Variants in B4GALT1 observed in about 807,000 individuals in gnomAD.
The protein encoded by B4GALT1 is beta-1,4-galactosyltransferase 1.
B4GALT1 carries 16 observed loss-of-function variants against 34.9 expected under a neutral mutation model. That is an observed-to-expected ratio of 0.46 (90% CI 0.31 to 0.70). The LOEUF (loss-of-function observed/expected upper bound fraction) is 0.70. Among genes scored for constraint, B4GALT1 ranks in the 30% least tolerant of loss-of-function variants. The pLI is 0.05. For missense variants in B4GALT1, 445 were observed against 530.5 expected, an observed-to-expected ratio of 0.84 and a Z score of 1.58; for synonymous variants, 221 against 218.1, an observed-to-expected ratio of 1.01 and a Z score of -0.12.
chr9:33,152,075 TG>T (rs1840524641), intron 1 of B4GALT1, among the ~76,000 whole-genome samples: 1 of 152,088 alleles, frequency 6.6e-6, no homozygotes, highest in Admixed American at 6.6e-5. Context: ...CCCAGCACTT[TG>T]GGAGGATCAT....
intron 1 of B4GALT1, among the ~76,000 whole-genome samples, chr9:33,138,227 G>A (rs922530275): frequency 1.3e-5 from 2 of 152,136 alleles, no homozygotes; most frequent in African/African-American, 4.8e-5. Context: ...GCCCCGGACA[G>A]GAGAAGAGAT....
At position 33,111,482 on chromosome 9, in the gene B4GALT1, G is replaced by GA. The variant is rs1339626676; in HGVS notation, c.*1971dup. On this transcript the variant is annotated 3_prime_UTR_variant, in exon 6 of 6. Coordinates refer to ENST00000379731, the MANE Select transcript of B4GALT1 (RefSeq NM_001497.4). ...AATAATATCCTTGGTATAGAGTGGGGAACTGACAGAGAAATACTTTTTGCA... is the reference window on the plus strand; with the variant it reads ...AATAATATCCTTGGTATAGAGTGGGGAAACTGACAGAGAAATACTTTTTGCA... 1 of 152,594 alleles carries GA rather than the reference G, an allele frequency of 6.6e-6. No individual in the cohort carries two copies. The highest frequency in any genetic ancestry group is 1.5e-5 in the Non-Finnish European group (1 of 68,036). The allele number at this position is 152,594 out of a possible 1,614,324, so 9.5% of individuals were successfully genotyped here. A position where few individuals can be genotyped will look rare whatever the true frequency, so the allele number is the denominator to read the frequency against.
At chr9:33,182,970 C>T in the B4GALT1 span, among the ~76,000 whole-genome samples, 1 of 152,186 alleles carries the variant, frequency 6.6e-6, no homozygotes, top group African/African-American at 2.4e-5. Flanking sequence ...CCCTCCACCT[C>T]CTGCAGGATT....
chr9:33,147,071 G>A (rs753773097), intron 1 of B4GALT1, among the ~76,000 whole-genome samples: 12 of 152,060 alleles, frequency 7.9e-5, no homozygotes, highest in Non-Finnish European at 1.8e-4. Context: ...TACAGCCTAG[G>A]TTTCAAATCA....
chr9:33,126,833 C>T (rs1415842573), intron 2 of B4GALT1, among the ~76,000 whole-genome samples: 1 of 152,210 alleles, frequency 6.6e-6, no homozygotes, highest in African/African-American at 2.4e-5. Flanking sequence ...CCCTGCCACA[C>T]AGGAACACAG....
upstream of B4GALT1, among the ~76,000 whole-genome samples, chr9:33,171,965 A>G (rs1840845600): frequency 6.6e-6 from 1 of 152,212 alleles, no homozygotes; most frequent in Non-Finnish European, 1.5e-5. Context: ...GGTAAAATAC[A>G]TTAGTGTCTT....
At chr9:33,108,401 C>T (rs888185555), downstream of B4GALT1, among the ~76,000 whole-genome samples, 4 of 150,342 alleles carry the variant, frequency 2.7e-5, no homozygotes, top group Non-Finnish European at 5.9e-5. Context: ...TTGCTTGAAG[C>T]CGGGAGTTTG....
the B4GALT1 span, among the ~76,000 whole-genome samples, chr9:33,175,160 A>T: frequency 8.7e-4 from 131 of 149,784 alleles, no homozygotes; most frequent in Non-Finnish European, 1.6e-3. Context: ...GAAAAATTTT[A>T]AAAATTATCT....
intron 2 of B4GALT1, among the ~76,000 whole-genome samples, chr9:33,133,842 C>T (rs957933134): frequency 1.3e-5 from 2 of 152,190 alleles, no homozygotes; most frequent in African/African-American, 4.8e-5. Context: ...TTTCCTACCC[C>T]AGTGGGCATC....
At chr9:33,177,604 A>AT in the B4GALT1 span, 1 of 152,232 alleles carries the variant, frequency 6.6e-6, no homozygotes, top group Admixed American at 6.5e-5. Context: ...AATATTGACT[A>AT]TCTGATCTTT....
intron 3 of B4GALT1, among the ~76,000 whole-genome samples, chr9:33,118,628 C>T (rs1372205289): frequency 2.0e-5 from 3 of 151,666 alleles, no homozygotes; most frequent in Non-Finnish European, 4.4e-5. Flanking sequence ...CATGATCACG[C>T]CACTGCACTC....
At chr9:33,128,819 C>T (rs973638612) in intron 2 of B4GALT1, among the ~76,000 whole-genome samples, 1 of 152,130 alleles carries the variant, frequency 6.6e-6, no homozygotes, top group African/African-American at 2.4e-5. Flanking sequence ...GGGATAGACC[C>T]AGGAGTCTGC....
intron 2 of B4GALT1, among the ~76,000 whole-genome samples, chr9:33,121,734 AAG>A (rs745426008): frequency 5.9e-5 from 9 of 152,066 alleles, no homozygotes; most frequent in Admixed American, 1.3e-4. Context: ...CAGTTCCTTG[AAG>A]ACTGCTTCTC....
intron 1 of B4GALT1, among the ~76,000 whole-genome samples, chr9:33,153,653 T>G (rs1368962906): frequency 6.6e-6 from 1 of 152,020 alleles, no homozygotes; most frequent in Non-Finnish European, 1.5e-5. Flanking sequence ...CTATCAAAAC[T>G]GACTTAAGAA....
the B4GALT1 span, chr9:33,179,744 G>A: frequency 3.3e-5 from 5 of 152,188 alleles, no homozygotes; most frequent in Non-Finnish European, 2.9e-5. Context: ...CCAACTATAG[G>A]TTAATGTAAA....
chr9:33,160,089 C>G (rs1451527879), intron 1 of B4GALT1, among the ~76,000 whole-genome samples: 2 of 152,262 alleles, frequency 1.3e-5, no homozygotes, highest in Non-Finnish European at 2.9e-5. Flanking sequence ...TCTGCCAGCA[C>G]TAAGCAAATC....
At chr9:33,131,949 A>C (rs1840198855) in intron 2 of B4GALT1, among the ~76,000 whole-genome samples, 1 of 152,166 alleles carries the variant, frequency 6.6e-6, no homozygotes, top group Admixed American at 6.5e-5. Context: ...TTCTCAACTT[A>C]GTTATCTGGA....
intron 3 of B4GALT1, 112 bp downstream of exon 3, chr9:33,120,307 G>A (rs1037927189): frequency 2.5e-6 from 3 of 1,185,238 alleles, no homozygotes; most frequent in African/African-American, 1.5e-5. Flanking sequence ...TCTCAGAGGA[G>A]GCATTCTGCT....
intron 2 of B4GALT1, among the ~76,000 whole-genome samples, chr9:33,122,138 C>T (rs1276284304): frequency 6.6e-6 from 1 of 152,178 alleles, no homozygotes; most frequent in Non-Finnish European, 1.5e-5. Flanking sequence ...GAGCCCTCTA[C>T]TTTGGGGAAA....
Sources: gnomAD v4.1 joint callset for allele counts (sites outside exome capture counted in the v4.1 genomes callset) on GRCh38, gnomAD v4.1.1 for gene constraint, MANE v1.5 for transcripts, NCBI Gene and HGNC (gene_info 2026-07-23, HGNC 2026-07-21) for gene names.